Variants in GRM7 observed in about 807,000 individuals in gnomAD.
The protein encoded by GRM7 is glutamate metabotropic receptor 7.
GRM7 carries 35 observed loss-of-function variants against 84.5 expected under a neutral mutation model. The observed-to-expected ratio is 0.41, with a 90% CI of 0.32 to 0.55. The LOEUF (loss-of-function observed/expected upper bound fraction) is 0.55, where lower values mean the gene tolerates loss of function less well. GRM7 is among the 20% of genes least tolerant of loss of function. The pLI is 0.19. For synonymous variants in GRM7, 487 were observed against 455.1 expected, an observed-to-expected ratio of 1.07 and a Z score of -0.89; for missense variants, 1,003 against 1,194.6, an observed-to-expected ratio of 0.84 and a Z score of 2.36.
At chr3:7,040,751 C>T (rs973189964) in intron 1 of GRM7, among the ~76,000 whole-genome samples, 5 of 151,922 alleles carry the variant, frequency 3.3e-5, no homozygotes, top group Admixed American at 2.0e-4. Flanking sequence ...TCCTTAGGTG[C>T]CACTCCAAGT....
intron 3 of GRM7, 63 bp from the exon 4 acceptor site, chr3:7,306,435 A>G (rs1700196290): frequency 8.4e-6 from 12 of 1,430,984 alleles, no homozygotes; most frequent in South Asian, 2.3e-5. Flanking sequence ...CTGACTTGCA[A>G]TCTACACGGA....
intron 1 of GRM7, among the ~76,000 whole-genome samples, chr3:7,062,604 A>G (rs1477882641): frequency 6.6e-6 from 1 of 151,772 alleles, no homozygotes; most frequent in African/African-American, 2.4e-5. Flanking sequence ...AAATGGGTCA[A>G]CCCAAGGCAT....
intron 2 of GRM7, among the ~76,000 whole-genome samples, chr3:7,249,893 A>T (rs781728565): frequency 1.3e-5 from 2 of 152,176 alleles, no homozygotes; most frequent in Non-Finnish European, 2.9e-5. Flanking sequence ...GTGTGTTGAG[A>T]TTGGTACCAG....
At chr3:6,886,621 T>C (rs545651314) in intron 1 of GRM7, among the ~76,000 whole-genome samples, 1 of 152,214 alleles carries the variant, frequency 6.6e-6, no homozygotes, top group East Asian at 1.9e-4. Flanking sequence ...ATGATTTTTT[T>C]TCTGTAAAAA....
At position 7,617,672 on chromosome 3, in the gene GRM7, T is replaced by C. The variant is rs546152250; in HGVS notation, c.2451+38315T>C. Among the ~76,000 whole-genome samples, 43 of 152,148 alleles carry C rather than the reference T, an allele frequency of 2.8e-4. 1 individual carries two copies. Among genetic ancestry groups the C allele is most frequent in the African/African-American group, 1.0e-3 (42 of 41,492 alleles). ...GGTAAATAAATGAAACAGAAAACTC[T>C]GAGACAGAGTGAACAGAATTGATAT... is the stretch of plus-strand genomic sequence containing the variant. On this transcript the variant is annotated intron_variant, in intron 8 of 9. Coordinates refer to ENST00000357716, the MANE Select transcript of GRM7 (RefSeq NM_000844.4).
At chr3:7,537,192 T>C (rs1701275104) in intron 7 of GRM7, among the ~76,000 whole-genome samples, 1 of 151,598 alleles carries the variant, frequency 6.6e-6, no homozygotes, top group Non-Finnish European at 1.5e-5. Flanking sequence ...GCTTGGGTTC[T>C]CTCTCCTCTT....
intron 1 of GRM7, among the ~76,000 whole-genome samples, chr3:6,906,008 C>T (rs1696561391): frequency 6.6e-6 from 1 of 152,176 alleles, no homozygotes; most frequent in Non-Finnish European, 1.5e-5. Flanking sequence ...TATAAGCCAC[C>T]TCACCTTTAT....
intron 7 of GRM7, among the ~76,000 whole-genome samples, chr3:7,526,790 C>G (rs1435172008): frequency 1.3e-5 from 2 of 151,932 alleles, no homozygotes; most frequent in Non-Finnish European, 2.9e-5. Flanking sequence ...GAAGTCCTTT[C>G]CCTATTGTTT....
intron 2 of GRM7, among the ~76,000 whole-genome samples, chr3:7,284,170 T>C (rs1434631609): frequency 6.6e-6 from 1 of 152,098 alleles, no homozygotes; most frequent in Non-Finnish European, 1.5e-5. Context: ...ATTAGCTAAG[T>C]AGAAATCACA....
chr3:6,955,302 G>A (rs1050904859), intron 1 of GRM7, among the ~76,000 whole-genome samples: 5 of 152,204 alleles, frequency 3.3e-5, no homozygotes, highest in East Asian at 3.9e-4. Flanking sequence ...TTGGGAGGCC[G>A]ATGCGGGCAG....
intron 1 of GRM7, among the ~76,000 whole-genome samples, chr3:6,963,186 C>G (rs1516569): frequency 0.34 from 51,406 of 152,094 alleles, 9,486 homozygotes; most frequent in Non-Finnish European, 0.41. Context: ...AAACACAAAG[C>G]TCTGCAATTT....
At chr3:6,872,924 T>C (rs983600034) in intron 1 of GRM7, among the ~76,000 whole-genome samples, 8 of 152,284 alleles carry the variant, frequency 5.3e-5, no homozygotes, top group Admixed American at 2.0e-4. Context: ...AATAAACATA[T>C]GTGTGCATAT....
rs142019531 is a variant in GRM7 at position 7,713,239 on chromosome 3, C to T, written c.2699-27118C>T. On this transcript the variant is annotated intron_variant, in intron 9 of 9. Coordinates refer to ENST00000357716, the MANE Select transcript of GRM7 (RefSeq NM_000844.4). ...TGCAACCTCTGCCTCCAGGTTCAAG[C>T]GATTCTTCTTCCTCAACCTCCTGAG... is the stretch of plus-strand genomic sequence containing the variant. Among the ~76,000 whole-genome samples the T allele has an allele frequency of 3.4e-3, 502 of 145,594 alleles. 1 individual carries two copies. The East Asian group carries it at 0.041, about 12-fold the overall frequency.
At chr3:7,649,577 T>C (rs1469303388) in intron 8 of GRM7, among the ~76,000 whole-genome samples, 2 of 152,208 alleles carry the variant, frequency 1.3e-5, no homozygotes, top group East Asian at 1.9e-4. Context: ...TGAATAACAC[T>C]GGTATATATG....
intron 8 of GRM7, among the ~76,000 whole-genome samples, chr3:7,678,013 A>T (rs1165868198): frequency 6.6e-6 from 1 of 152,212 alleles, no homozygotes; most frequent in Non-Finnish European, 1.5e-5. Context: ...GTTCTTACTT[A>T]TAAGGTGCAG....
At chr3:7,124,449 T>G (rs1693330988) in intron 1 of GRM7, among the ~76,000 whole-genome samples, 1 of 152,096 alleles carries the variant, frequency 6.6e-6, no homozygotes, top group Non-Finnish European at 1.5e-5. Context: ...GAGGTTGCAG[T>G]GAACTGAGAT....
intron 4 of GRM7, among the ~76,000 whole-genome samples, chr3:7,391,613 A>G (rs1330395964): frequency 6.6e-6 from 1 of 152,086 alleles, no homozygotes; most frequent in Non-Finnish European, 1.5e-5. Flanking sequence ...AATGTAAATG[A>G]TGAGTTAACA....
intron 9 of GRM7, chr3:7,682,149 A>C (rs960827392): frequency 6.6e-6 from 1 of 152,064 alleles, no homozygotes; most frequent in Non-Finnish European, 1.5e-5. Flanking sequence ...CAGCCTGACC[A>C]ACATGGAGAA....
chr3:7,734,851 T>G (rs1702452081), intron 9 of GRM7, among the ~76,000 whole-genome samples: 1 of 152,202 alleles, frequency 6.6e-6, no homozygotes, highest in Non-Finnish European at 1.5e-5. Context: ...TAAAAAAGGA[T>G]TTAAGAGAGA....
Sources: allele counts gnomAD v4.1 joint callset (sites outside exome capture counted in the v4.1 genomes callset), GRCh38; gene constraint gnomAD v4.1.1; transcripts MANE v1.5; gene names NCBI Gene and HGNC (gene_info 2026-07-23, HGNC 2026-07-21).